Variants in BCORL1 observed in about 807,000 individuals in gnomAD.
BCORL1 encodes BCL6 corepressor like 1, also known as BCL-6 corepressor-like protein 1.
In BCORL1, 7 loss-of-function variants were observed where a neutral mutation model predicts 87.6. That is an observed-to-expected ratio of 0.08 (90% CI 0.05 to 0.15). BCORL1 has a LOEUF of 0.15. Among genes scored for constraint, BCORL1 ranks in the 10% least tolerant of loss-of-function variants. The pLI is 1.00. For missense variants in BCORL1, 1,215 were observed against 1,499.7 expected (o/e 0.81, Z 3.13); for synonymous variants, 591 against 634.4 (o/e 0.93, Z 1.03).
rs749997214 is a variant in BCORL1, at chrX:129,987,636, A to G, written c.-45+4874A>G. Reference sequence around the variant, plus strand: ...GATCCTAGGTATCAGGAGATGAGTGATGGAAATTCCAGGGTGAAACTGGAT... The same window carrying G: ...GATCCTAGGTATCAGGAGATGAGTGGTGGAAATTCCAGGGTGAAACTGGAT... On this transcript the variant is annotated intron_variant, in intron 1 of 13. Coordinates refer to ENST00000540052, the MANE Select transcript of BCORL1 (RefSeq NM_001379451.1). 3.6e-5 allele frequency among the ~76,000 whole-genome samples: 4 copies of G among 111,876 alleles called. No individual in the cohort carries two copies. The East Asian group carries it at 1.1e-3, about 31-fold the overall frequency.
In BCORL1 at chrX:130,025,468, G is replaced by A. The variant is rs754250012; in HGVS notation, c.4078+89G>A. ...TCTCTACGCCAGCCAAAGGCTTCGGGACCCAGAGAAACCCGGTGCTATGAT... is the reference window on the plus strand; with the variant it reads ...TCTCTACGCCAGCCAAAGGCTTCGGAACCCAGAGAAACCCGGTGCTATGAT... On this transcript the variant is annotated intron_variant, in intron 7 of 13. Coordinates refer to ENST00000540052, the MANE Select transcript of BCORL1 (RefSeq NM_001379451.1). The A allele has an allele frequency of 1.6e-4, 141 of 887,788 alleles. No homozygotes were observed. The African/African-American group carries it at 2.6e-3, about 16-fold the overall frequency. The allele number at this position is 887,788 out of a possible 1,213,427, so 73.2% of individuals were successfully genotyped here. A position where few individuals can be genotyped will look rare whatever the true frequency, so the allele number is the denominator to read the frequency against.
At chrX:130,005,479 G>A (rs998687386) in intron 2 of BCORL1, among the ~76,000 whole-genome samples, 162 bp downstream of exon 2, 13 of 111,989 alleles carry the variant, frequency 1.2e-4, no homozygotes, top group African/African-American at 4.2e-4. Flanking sequence ...GGGGCTGTGT[G>A]AGTGGCCTGA....
chrX:130,016,052 G>A lies in BCORL1; in HGVS notation c.3280G>A (p.Glu1094Lys). 2.5e-6 allele frequency: 3 copies of A among 1,211,865 alleles called. No homozygotes were observed. The highest frequency in any genetic ancestry group is 3.3e-6 in the Non-Finnish European group (3 of 895,595). Reference protein sequence around the residue: ...AKAGQARVKQESVGVFACKNK... With the variant: ...AKAGQARVKQKSVGVFACKNK... The stretch of plus-strand genomic sequence containing the variant: ...GGCCGGGCAGGCTCGAGTGAAACAG[G>A]AAAGCGTAGGGGTCTTTGCTTGCAA... Residue 1094 changes from glutamate to lysine, a missense_variant, in exon 4 of 14, where the codon GAA (glutamate) becomes AAA (lysine). Physicochemically the swap from Glu to Lys is moderately conservative, Grantham distance 56 (BLOSUM62 1). Coordinates refer to ENST00000540052, the MANE Select transcript of BCORL1 (RefSeq NM_001379451.1).
At chrX:129,990,629 T>C (rs1280284780) in intron 1 of BCORL1, among the ~76,000 whole-genome samples, 1 of 112,028 alleles carries the variant, frequency 8.9e-6, no homozygotes, top group Non-Finnish European at 1.9e-5. Flanking sequence ...AGCTTCTCAG[T>C]GGTCCCCTTA....
intron 13 of BCORL1, among the ~76,000 whole-genome samples, chrX:130,055,488 G>T (rs1932321278): frequency 8.9e-6 from 1 of 112,752 alleles, no homozygotes. Context: ...GGTCCCAGCA[G>T]ATGGCAAATG....
chrX:130,014,751 C>T lies in BCORL1; in HGVS notation c.1979C>T (p.Thr660Ile). 1 of 1,211,727 alleles carries T rather than the reference C, an allele frequency of 8.3e-7. No individual in the cohort carries two copies. Among genetic ancestry groups the T allele is most frequent in the South Asian group, 1.8e-5 (1 of 56,969 alleles). ...ACCAGCAGCAAGGCCCTCCTCTCCA[C>T]AGTCCTGTCTAGGTCTCAGCGCACA... ...VHTSSKALLS[T>I]VLSRSQRTTQ... The change falls in exon 4 of 14, where the codon ACA (threonine) becomes ATA (isoleucine). Residue 660 changes from threonine to isoleucine, a missense_variant. Coordinates refer to ENST00000540052, the MANE Select transcript of BCORL1 (RefSeq NM_001379451.1).
chrX:130,026,957 G>C (rs1930282047), intron 7 of BCORL1, among the ~76,000 whole-genome samples: 1 of 113,616 alleles, frequency 8.8e-6, no homozygotes, highest in Non-Finnish European at 1.9e-5. Context: ...GCTTCTGTCT[G>C]AGCCTCCTGA....
At position 130,025,173 on chromosome X, in the gene BCORL1, G is replaced by A; in HGVS notation, c.3872G>A (p.Gly1291Asp). 2.3e-5 allele frequency: 28 copies of A among 1,212,057 alleles called. No homozygotes were observed. The highest frequency in any genetic ancestry group is 3.1e-5 in the Non-Finnish European group (28 of 895,567). ...CAGGACAAGTCTCTGCTGAGCCAGG[G>A]CCGAAGGCACCTGTGGCGAGCCCGA... ...HAQDKSLLSQ[G>D]RRHLWRAREM... The change falls in exon 7 of 14, where the codon GGC becomes GAC. Residue 1291 changes from glycine (G) to aspartate (D), a missense_variant. Physicochemically the swap from Gly to Asp is moderately conservative, Grantham distance 94. Coordinates refer to ENST00000540052, the MANE Select transcript of BCORL1 (RefSeq NM_001379451.1).
rs1349461760 is a variant in BCORL1 at position 130,013,478 on chromosome X, C to G, written c.706C>G (p.Leu236Val). 1 of 1,208,617 alleles carries G rather than the reference C, an allele frequency of 8.3e-7. No homozygotes were observed. Among genetic ancestry groups the G allele is most frequent in the African/African-American group, 1.8e-5 (1 of 56,919 alleles). ...SVPAPVPHSG[L>V]VPVQVATSVP... ...CCCTGCCCCAGTCCCCCATTCAGGG[C>G]TTGTTCCAGTCCAAGTTGCCACTTC... Residue 236 changes from leucine (L) to valine (V), a missense_variant, in exon 4 of 14, where the codon CTT becomes GTT. Transcript: ENST00000540052.
chrX:130,008,096 G>GT (rs2124416849), intron 2 of BCORL1, among the ~76,000 whole-genome samples: 1 of 109,261 alleles, frequency 9.2e-6, no homozygotes, highest in East Asian at 2.9e-4. Context: ...GCTAATTTTT[G>GT]TATTTTTAGT....
chrX:130,038,181 G>C, intron 10 of BCORL1, among the ~76,000 whole-genome samples: 3 of 111,889 alleles, frequency 2.7e-5, no homozygotes, highest in African/African-American at 9.7e-5. Flanking sequence ...ACGTGTCTCA[G>C]ACAGAATAGA....
upstream of BCORL1, among the ~76,000 whole-genome samples, chrX:129,982,332 C>A (rs757203583): frequency 9.0e-6 from 1 of 111,464 alleles, no homozygotes; most frequent in African/African-American, 3.3e-5. Flanking sequence ...GTCCTCTCAG[C>A]GATCCCCTCC....
chrX:130,016,659 A>G (rs9887429), intron 4 of BCORL1, among the ~76,000 whole-genome samples: 10,442 of 111,644 alleles, frequency 0.094, 1,189 homozygotes, highest in African/African-American at 0.32. Context: ...TCCTTTCACC[A>G]CTGGTTGGGG....
At chrX:130,032,016 G>T (rs1416298700) in intron 8 of BCORL1, among the ~76,000 whole-genome samples, 1 of 111,690 alleles carries the variant, frequency 9.0e-6, no homozygotes, top group Non-Finnish European at 1.9e-5. Context: ...GGCCCAGAGT[G>T]TTGTGGAATA....
intron 13 of BCORL1, 125 bp from the exon 14 acceptor site, chrX:130,055,729 C>A: frequency 1.3e-6 from 1 of 757,405 alleles, no homozygotes; most frequent in Non-Finnish European, 1.9e-6. Flanking sequence ...GCCAGACTGG[C>A]AGTGAGTTAT....
At chrX:130,026,261 T>C (rs1365987798) in intron 7 of BCORL1, among the ~76,000 whole-genome samples, 2 of 112,535 alleles carry the variant, frequency 1.8e-5, no homozygotes, top group Admixed American at 1.9e-4. Context: ...ATCCGCTGTC[T>C]CCTTATTAGC....
intron 11 of BCORL1, among the ~76,000 whole-genome samples, chrX:130,046,883 A>G (rs909308566): frequency 9.3e-6 from 1 of 108,065 alleles, no homozygotes; most frequent in African/African-American, 3.4e-5. Flanking sequence ...AAAACCCCAC[A>G]CCCATTAAAC....
chrX:130,020,753 T>G (rs1929736492), intron 4 of BCORL1, among the ~76,000 whole-genome samples: 1 of 111,626 alleles, frequency 9.0e-6, no homozygotes. Context: ...TCTGTAGACC[T>G]CTTTAAAGTG....
intron 11 of BCORL1, among the ~76,000 whole-genome samples, chrX:130,040,298 T>C (rs981728490): frequency 8.9e-6 from 1 of 112,243 alleles, no homozygotes; most frequent in Non-Finnish European, 1.9e-5. Context: ...GGTTCCAGGC[T>C]CCCAACCAGG....
Sources: allele counts gnomAD v4.1 joint callset (sites outside exome capture counted in the v4.1 genomes callset), GRCh38; gene constraint gnomAD v4.1.1; transcripts MANE v1.5; gene names NCBI Gene and HGNC (gene_info 2026-07-23, HGNC 2026-07-21).